Variants in EDARADD observed in about 807,000 individuals in gnomAD.
EDARADD encodes the protein EDAR associated via death domain.
Under a neutral mutation model 25.6 loss-of-function variants are expected in EDARADD, and 20 were observed. That is an observed-to-expected ratio of 0.78 (90% CI 0.55 to 1.14). EDARADD has a LOEUF of 1.14. Among genes scored for constraint, EDARADD ranks in the 50% most tolerant of loss-of-function variants. The pLI, the probability that EDARADD is intolerant of heterozygous loss-of-function variation, is 0.00. For synonymous variants in EDARADD, 86 were observed against 94.4 expected, an observed-to-expected ratio of 0.91 and a Z score of 0.52; for missense variants, 225 against 270.1, an observed-to-expected ratio of 0.83 and a Z score of 1.17.
At chr1:236,441,022 A>G (rs1186239860) in intron 4 of EDARADD, among the ~76,000 whole-genome samples, 3 of 152,130 alleles carry the variant, frequency 2.0e-5, no homozygotes, top group Non-Finnish European at 4.4e-5. Context: ...AAAAGCCAAG[A>G]TAGGCTGAAA....
intron 4 of EDARADD, among the ~76,000 whole-genome samples, chr1:236,453,278 CTTTT>C (rs71672500): frequency 2.2e-5 from 3 of 133,884 alleles, no homozygotes; most frequent in Non-Finnish European, 4.8e-5. Flanking sequence ...TTCTTTTTTT[CTTTT>C]TTTTTTTTTT....
chr1:236,375,205 C>G (rs1057409940), intron 3 of EDARADD, among the ~76,000 whole-genome samples: 1 of 152,028 alleles, frequency 6.6e-6, no homozygotes, highest in Non-Finnish European at 1.5e-5. Flanking sequence ...ACAAAATAAT[C>G]CTTATTCTTC....
intron 5 of EDARADD, among the ~76,000 whole-genome samples, chr1:236,468,534 C>T (rs1250703222): frequency 8.5e-5 from 13 of 152,096 alleles, no homozygotes; most frequent in Non-Finnish European, 1.8e-4. Flanking sequence ...GCAGGAGAAT[C>T]GCTTGAACCC....
intron 4 of EDARADD, among the ~76,000 whole-genome samples, chr1:236,428,855 T>C (rs1571929062): frequency 6.6e-6 from 1 of 151,998 alleles, no homozygotes; most frequent in South Asian, 2.1e-4. Context: ...CATTGAGCAC[T>C]GAGTGAGCGA....
At chr1:236,421,254 C>A (rs542857787) in intron 3 of EDARADD, among the ~76,000 whole-genome samples, 1 of 146,872 alleles carries the variant, frequency 6.8e-6, no homozygotes, top group East Asian at 2.0e-4. Flanking sequence ...CAACAAGGGG[C>A]TGTCAGACAG....
At chr1:236,459,611 CTTTTT>C (rs397860471) in intron 4 of EDARADD, among the ~76,000 whole-genome samples, 10 of 100,484 alleles carry the variant, frequency 1.0e-4, no homozygotes, top group African/African-American at 2.4e-4. Flanking sequence ...TTATTTAGCT[CTTTTT>C]TTTTTTTTTT....
At chr1:236,381,849 T>C (rs1001491583) in intron 3 of EDARADD, among the ~76,000 whole-genome samples, 1 of 149,092 alleles carries the variant, frequency 6.7e-6, no homozygotes, top group Non-Finnish European at 1.5e-5. Context: ...GATCTTATGT[T>C]GCTCAGGCTG....
At position 236,455,142 on chromosome 1, in the gene EDARADD, G is replaced by A. The variant is rs543522435; in HGVS notation, c.220-13089G>A. ...GAAGAATCGCTTAAACCCGTGAGGC[G>A]GAGGTTGCAGTGAGCCGAGATTGTG... On this transcript the variant is annotated intron_variant, in intron 4 of 5. Coordinates refer to ENST00000334232, the MANE Select transcript of EDARADD (RefSeq NM_145861.4). Among the ~76,000 whole-genome samples, 30 of 152,196 alleles carry A rather than the reference G, an allele frequency of 2.0e-4. No homozygotes were observed. In the Middle Eastern group the frequency reaches 0.01, roughly 52 times the overall value.
At chr1:236,377,640 A>G (rs1453182962) in intron 3 of EDARADD, among the ~76,000 whole-genome samples, 1 of 151,290 alleles carries the variant, frequency 6.6e-6, no homozygotes, top group Non-Finnish European at 1.5e-5. Flanking sequence ...TGGGCAGATC[A>G]TAAGGTCAAG....
At position 236,427,359 on chromosome 1, in the gene EDARADD, GTTTC is replaced by G. The variant is rs770298803; in HGVS notation, c.161-17_161-14del. ...TGTGTGCTTTTTAAAATCACACTTTGTTTCTTTCTTTCTTTCTTTTTTTTTTTCC... is the reference window on the plus strand; with the variant it reads ...TGTGTGCTTTTTAAAATCACACTTTGTTTCTTTCTTTCTTTTTTTTTTTCC... On this transcript the variant is annotated intron_variant, in intron 3 of 5. Coordinates refer to ENST00000334232, the MANE Select transcript of EDARADD (RefSeq NM_145861.4). The G allele has an allele frequency of 2.7e-4, 426 of 1,592,452 alleles. No individual in the cohort carries two copies. The African/African-American group carries it at 4.1e-3, about 15-fold the overall frequency.
At chr1:236,455,064 G>C (rs556049755) in intron 4 of EDARADD, among the ~76,000 whole-genome samples, 1 of 152,278 alleles carries the variant, frequency 6.6e-6, no homozygotes, top group African/African-American at 2.4e-5. Context: ...ACAAAAATTA[G>C]CTGGGCGTGG....
chr1:236,482,772 T>C lies in EDARADD; in HGVS notation c.*123T>C. On this transcript the variant is annotated 3_prime_UTR_variant, in exon 6 of 6. Coordinates refer to ENST00000334232, the MANE Select transcript of EDARADD (RefSeq NM_145861.4). ...GACGTGGAACAGTGGACACTGGTTT[T>C]CCCCAAAGCTGGCAGTTTTGTGGAG... The C allele has an allele frequency of 6.8e-7, 1 of 1,467,866 alleles. No homozygotes were observed. The highest frequency in any genetic ancestry group is 1.2e-5 in the South Asian group (1 of 84,784). The allele number at this position is 1,467,866 out of a possible 1,614,324, so 90.9% of individuals were successfully genotyped here. A position where few individuals can be genotyped will look rare whatever the true frequency, so the allele number is the denominator to read the frequency against.
intron 2 of EDARADD, among the ~76,000 whole-genome samples, chr1:236,412,249 C>G (rs1226669119): frequency 6.6e-6 from 1 of 152,186 alleles, no homozygotes; most frequent in African/African-American, 2.4e-5. Context: ...TGTGCTTCTT[C>G]CCATCTCACT....
In EDARADD at chr1:236,353,978, G is replaced by C. The variant is rs577600229; in HGVS notation, c.-6+3139G>C. Among the ~76,000 whole-genome samples the C allele has an allele frequency of 4.6e-5, 7 of 152,086 alleles. No individual in the cohort carries two copies. In the East Asian group the frequency reaches 1.3e-3, roughly 29 times the overall value. On this transcript the variant is annotated intron_variant, in intron 3 of 7. Coordinates refer to the EDARADD transcript ENST00000439430. ...TGTGACTCTAGCTCTTTCATTTAAA[G>C]CTCGTTAGTTCTCTTGTAGCTGGAG...
At chr1:236,396,503 ACG>A (rs1380646309) in intron 1 of EDARADD, among the ~76,000 whole-genome samples, 3 of 152,148 alleles carry the variant, frequency 2.0e-5, no homozygotes, top group Non-Finnish European at 4.4e-5. Context: ...GTTTAGATAA[ACG>A]CGTTTCCTAT....
intron 3 of EDARADD, among the ~76,000 whole-genome samples, chr1:236,424,056 A>C (rs1394892724): frequency 6.6e-6 from 1 of 151,816 alleles, no homozygotes; most frequent in East Asian, 1.9e-4. Context: ...CAGTGAGCTG[A>C]GATCGCACCA....
At chr1:236,434,655 C>A (rs1658194367) in intron 4 of EDARADD, among the ~76,000 whole-genome samples, 1 of 152,102 alleles carries the variant, frequency 6.6e-6, no homozygotes, top group African/African-American at 2.4e-5. Flanking sequence ...ATATTGGACA[C>A]CCCTGGTATA....
chr1:236,354,767 A>G (rs763680237), intron 3 of EDARADD, among the ~76,000 whole-genome samples: 21 of 152,178 alleles, frequency 1.4e-4, no homozygotes, highest in Non-Finnish European at 2.5e-4. Context: ...GAGACTGCAC[A>G]CACAAATTAT....
chr1:236,409,087 A>AT, intron 1 of EDARADD, 129 bp from the exon 2 acceptor site: 26 of 456,868 alleles, frequency 5.7e-5, no homozygotes, highest in East Asian at 1.5e-4. Context: ...AAAAAAAAAA[A>AT]GGAGTAAGGT....
Sources: allele counts gnomAD v4.1 joint callset (sites outside exome capture counted in the v4.1 genomes callset), GRCh38; gene constraint gnomAD v4.1.1; transcripts MANE v1.5; gene names NCBI Gene and HGNC (gene_info 2026-07-23, HGNC 2026-07-21).